EYS: variants seen among roughly 807,000 people sequenced by gnomAD.
EYS encodes the protein EGF-like photoreceptor maintenance factor.
A neutral mutation model predicts 282.1 loss-of-function variants in EYS; 250 were observed. That is an observed-to-expected ratio of 0.89 (90% confidence interval 0.80 to 0.98). The LOEUF (loss-of-function observed/expected upper bound fraction) is 0.98. EYS is among the 50% of genes least tolerant of loss of function. The probability of loss-of-function intolerance (pLI) is 0.00; values close to 1 mark genes in which losing one functional copy is unlikely to be tolerated. For missense variants in EYS, 4,016 were observed against 3,709.0 expected, an observed-to-expected ratio of 1.08 and a Z score of -2.15; for synonymous variants, 1,355 against 1,282.9, an observed-to-expected ratio of 1.06 and a Z score of -1.20.
intron 22 of EYS, among the ~76,000 whole-genome samples, chr6:64,644,925 T>C (rs762777454): frequency 2.6e-5 from 4 of 152,212 alleles, no homozygotes; most frequent in Non-Finnish European, 4.4e-5. Context: ...AGCATCAGCA[T>C]GTCAGCTTCC....
intron 31 of EYS, among the ~76,000 whole-genome samples, chr6:64,150,695 T>TA (rs143572331): frequency 0.06 from 9,050 of 152,010 alleles, 880 homozygotes; most frequent in African/African-American, 0.21. Flanking sequence ...GTTAAACATA[T>TA]AAAAAAATCC....
intron 29 of EYS, among the ~76,000 whole-genome samples, chr6:64,330,923 T>C (rs1011418030): frequency 6.6e-6 from 1 of 152,206 alleles, no homozygotes; most frequent in African/African-American, 2.4e-5. Flanking sequence ...GGTATCACTG[T>C]TGTGTGGAAA....
chr6:63,721,115 A>G lies in EYS; in HGVS notation c.8916T>C (p.Tyr2972=), dbSNP rs867410198. The change falls in exon 43 of 43, where the codon TAT becomes TAC. Residue 2972 remains tyrosine, a synonymous_variant. Transcript: ENST00000503581. ...TAGTGAACTGGAGGTTTCTCATTCT[A>G]TAATTTGGATCAATGTATTTAATGT... is the stretch of plus-strand genomic sequence containing the variant. ...NSYIKYIDPN[Y]RMRNLQFTTI... The G allele has an allele frequency of 3.2e-5, 50 of 1,551,496 alleles. No homozygotes were observed. In the African/African-American group the frequency reaches 6.0e-4, roughly 19 times the overall value.
intron 30 of EYS, among the ~76,000 whole-genome samples, chr6:64,239,466 T>C (rs1403050430): frequency 6.6e-6 from 1 of 152,242 alleles, no homozygotes; most frequent in Non-Finnish European, 1.5e-5. Flanking sequence ...TGAGATGGTA[T>C]CTCATTGTGG....
intron 31 of EYS, among the ~76,000 whole-genome samples, chr6:64,157,611 T>A (rs898724328): frequency 6.6e-6 from 1 of 152,128 alleles, no homozygotes; most frequent in African/African-American, 2.4e-5. Context: ...GTGCCCTGCA[T>A]CCCAATTGCT....
intron 26 of EYS, among the ~76,000 whole-genome samples, chr6:64,452,373 G>A (rs2150478372): frequency 6.6e-6 from 1 of 152,282 alleles, no homozygotes; most frequent in Middle Eastern, 3.4e-3. Context: ...AGAAACAAAT[G>A]GAAGAACATT....
chr6:65,083,698 T>C (rs1273885987), intron 12 of EYS, among the ~76,000 whole-genome samples: 3 of 151,900 alleles, frequency 2.0e-5, no homozygotes, highest in East Asian at 3.8e-4. Context: ...CTGAAATTCA[T>C]CAATGAGAGT....
chr6:65,594,215 T>C (rs1449585375), intron 2 of EYS, among the ~76,000 whole-genome samples: 1 of 152,054 alleles, frequency 6.6e-6, no homozygotes, highest in Non-Finnish European at 1.5e-5. Flanking sequence ...TACATGGTTG[T>C]ATATGCTTTA....
rs1260312589 is a variant in EYS, at chr6:65,026,916, C to CAAAAAAAAAAAAAAAAAAAAAAAAAAA, written c.2138-29214_2138-29213insTTTTTTTTTTTTTTTTTTTTTTTTTTT. 4.6e-4 allele frequency among the ~76,000 whole-genome samples: 50 copies of CAAAAAAAAAAAAAAAAAAAAAAAAAAA among 107,836 alleles called. 1 individual carries two copies. Among genetic ancestry groups the CAAAAAAAAAAAAAAAAAAAAAAAAAAA allele is most frequent in the East Asian group, 2.1e-3 (7 of 3,346 alleles). 70.7% of individuals were successfully genotyped at this position (107,836 alleles called of 152,430 possible). On this transcript the variant is annotated intron_variant, in intron 13 of 42. Coordinates refer to ENST00000503581, the MANE Select transcript of EYS (RefSeq NM_001142800.2). ...TGGGCGACAGAGTGAGACTCCGTCT[C>CAAAAAAAAAAAAAAAAAAAAAAAAAAA]AAAAAAAAAAAAAAGATTCAGATAT...
rs536199221 is a variant in EYS, at chr6:65,020,593, G to A, written c.2138-22890C>T. ...CTTTTCCAGGGGCACGGTGCAAGCT[G>A]TCAGTGGATTTACCATTCTTGGGTC... On this transcript the variant is annotated intron_variant, in intron 13 of 42. Transcript: ENST00000503581. Among the ~76,000 whole-genome samples, 3 of 152,200 alleles carry A rather than the reference G, an allele frequency of 2.0e-5. No homozygotes were observed. In the South Asian group the frequency reaches 6.2e-4, roughly 32 times the overall value.
At chr6:64,945,973 C>T in intron 14 of EYS, 59 bp from the exon 15 acceptor site, 2 of 1,307,958 alleles carry the variant, frequency 1.5e-6, no homozygotes, top group Non-Finnish European at 2.1e-6. Context: ...GCCTATAATA[C>T]AGATATTACT....
At chr6:65,284,570 A>T (rs1308956043) in intron 12 of EYS, among the ~76,000 whole-genome samples, 1 of 152,136 alleles carries the variant, frequency 6.6e-6, no homozygotes, top group Non-Finnish European at 1.5e-5. Flanking sequence ...TGGCTTACAG[A>T]TCTATCCAGC....
chr6:64,462,312 G>A (rs1422162726), intron 26 of EYS, among the ~76,000 whole-genome samples: 7 of 152,104 alleles, frequency 4.6e-5, no homozygotes, highest in Admixed American at 3.9e-4. Flanking sequence ...TATAAAAACA[G>A]CATTTAATTA....
At chr6:64,948,630 G>T (rs1769380762) in intron 14 of EYS, among the ~76,000 whole-genome samples, 1 of 146,652 alleles carries the variant, frequency 6.8e-6, no homozygotes, top group African/African-American at 2.5e-5. Context: ...GTAAATACTA[G>T]TATTAAATAG....
intron 2 of EYS, among the ~76,000 whole-genome samples, chr6:65,504,561 T>C (rs962918046): frequency 2.6e-5 from 4 of 151,658 alleles, no homozygotes; most frequent in African/African-American, 7.2e-5. Context: ...TAAATTGCTG[T>C]TTTTCTCCTC....
intron 30 of EYS, among the ~76,000 whole-genome samples, chr6:64,294,140 G>A (rs962421935): frequency 1.3e-5 from 2 of 151,886 alleles, no homozygotes; most frequent in Admixed American, 6.6e-5. Flanking sequence ...CTTTACTGTT[G>A]GAAAAAACCT....
chr6:64,319,533 T>C (rs143084358), intron 29 of EYS, among the ~76,000 whole-genome samples: 33 of 152,166 alleles, frequency 2.2e-4, no homozygotes, highest in African/African-American at 6.7e-4. Context: ...CTCTCGATAT[T>C]GGATTTCTGC....
chr6:63,993,518 C>G (rs539770064), intron 34 of EYS, among the ~76,000 whole-genome samples: 1 of 151,800 alleles, frequency 6.6e-6, no homozygotes, highest in African/African-American at 2.4e-5. Flanking sequence ...AATTACATTT[C>G]TATAGACTAA....
At chr6:65,483,891 T>C (rs1309199214) in intron 5 of EYS, among the ~76,000 whole-genome samples, 1 of 152,114 alleles carries the variant, frequency 6.6e-6, no homozygotes, top group Non-Finnish European at 1.5e-5. Flanking sequence ...GAACTCCTTT[T>C]TTTAAAACCA....
Sources: gnomAD v4.1 joint callset for allele counts (sites outside exome capture counted in the v4.1 genomes callset) on GRCh38, gnomAD v4.1.1 for gene constraint, MANE v1.5 for transcripts, NCBI Gene and HGNC (gene_info 2026-07-23, HGNC 2026-07-21) for gene names.